ZNF283: variants seen among roughly 807,000 people sequenced by gnomAD.
ZNF283 encodes the protein zinc finger protein 283.
A neutral mutation model predicts 9.2 loss-of-function variants in ZNF283; 10 were observed. The observed-to-expected ratio is 1.09, with a 90% confidence interval of 0.67 to 1.85. ZNF283 has a LOEUF of 1.85. Ranked by LOEUF, ZNF283 falls within the 40% of genes most tolerant of loss-of-function variation. The probability of loss-of-function intolerance (pLI) is 0.00; values close to 1 mark genes in which losing one functional copy is unlikely to be tolerated. For synonymous variants in ZNF283, 234 were observed against 244.1 expected, an observed-to-expected ratio of 0.96 and a Z score of 0.38; for missense variants, 631 against 760.1, an observed-to-expected ratio of 0.83 and a Z score of 2.00.
rs1971485293 is a variant in ZNF283 at position 43,848,043 on chromosome 19, A to G, written c.1442A>G (p.His481Arg). The G allele has an allele frequency of 1.2e-6, 2 of 1,613,602 alleles. No individual in the cohort carries two copies. The highest frequency in any genetic ancestry group is 1.7e-6 in the Non-Finnish European group (2 of 1,179,870). ...AGCCTTGTTAAACATGAGAGAGTTCATACTGGTGAGAAATCCCATGAATGT... is the reference window on the plus strand; with the variant it reads ...AGCCTTGTTAAACATGAGAGAGTTCGTACTGGTGAGAAATCCCATGAATGT... ...GSSLVKHERV[H>R]TGEKSHECKE... Residue 481 changes from histidine to arginine, a missense_variant, in exon 7 of 7, where the codon CAT becomes CGT. By Grantham distance (29) the His-to-Arg change is conservative. Coordinates refer to ENST00000618787, the MANE Select transcript of ZNF283 (RefSeq NM_181845.2).
chr19:43,838,294 C>T (rs1971062152), intron 6 of ZNF283, among the ~76,000 whole-genome samples: 1 of 152,092 alleles, frequency 6.6e-6, no homozygotes, highest in South Asian at 2.1e-4. Flanking sequence ...TTTTCCCTTC[C>T]ACAACTATTT....
At position 43,848,564 on chromosome 19, in the gene ZNF283, A is replaced by C. The variant is rs554030657; in HGVS notation, c.1963A>C (p.Lys655Gln). ...ERTHSNDKPY[K>Q]YNECGEAFLW... ...AACTCATAGTAATGATAAACCCTAC[A>C]AATATAACGAATGTGGGGAAGCCTT... Residue 655 changes from lysine to glutamine, a missense_variant, in exon 7 of 7, where the codon AAA becomes CAA. Physicochemically the swap from Lys to Gln is moderately conservative, Grantham distance 53. Transcript: ENST00000618787. 4.4e-5 allele frequency: 71 copies of C among 1,598,908 alleles called. No homozygotes were observed. The highest frequency in any genetic ancestry group is 5.6e-5 in the Non-Finnish European group (65 of 1,169,542).
chr19:43,834,664 C>A (rs1354186308), intron 4 of ZNF283, among the ~76,000 whole-genome samples: 1 of 152,034 alleles, frequency 6.6e-6, no homozygotes, highest in East Asian at 1.9e-4. Flanking sequence ...AGCGCGATCT[C>A]GGCTCACTGC....
At chr19:43,843,085 G>A (rs968479185) in intron 6 of ZNF283, among the ~76,000 whole-genome samples, 22 of 152,180 alleles carry the variant, frequency 1.4e-4, no homozygotes, top group African/African-American at 4.1e-4. Context: ...GCTGATGCCC[G>A]TAATCCCAGC....
intron 6 of ZNF283, among the ~76,000 whole-genome samples, chr19:43,842,156 G>A (rs549062180): frequency 1.2e-4 from 19 of 152,078 alleles, no homozygotes; most frequent in African/African-American, 4.3e-4. Context: ...AGTCACGGAG[G>A]TGCAACCCCC....
At chr19:43,840,890 G>A (rs1272116003) in intron 6 of ZNF283, 1 of 151,460 alleles carries the variant, frequency 6.6e-6, no homozygotes, top group Non-Finnish European at 1.5e-5. Context: ...TTTTAGTAGA[G>A]ATGAGGTTTC....
chr19:43,829,700 G>A (rs980484504), intron 2 of ZNF283, among the ~76,000 whole-genome samples: 1 of 152,138 alleles, frequency 6.6e-6, no homozygotes. Context: ...GAAGTATGAA[G>A]TTGATTGTGA....
chr19:43,829,506 A>G (rs890777323), intron 2 of ZNF283, among the ~76,000 whole-genome samples: 2 of 152,232 alleles, frequency 1.3e-5, no homozygotes, highest in African/African-American at 4.8e-5. Flanking sequence ...TCTGTGCCAC[A>G]TCTATAAAAT....
chr19:43,847,340 G>A lies in ZNF283; in HGVS notation c.739G>A (p.Ala247Thr). The change falls in exon 7 of 7, where the codon GCC (alanine) becomes ACC (threonine). Residue 247 changes from alanine (A) to threonine (T), a missense_variant. Ala to Thr is a moderately conservative substitution (Grantham distance 58). Transcript: ENST00000618787. ...AGAATGTGGGAAGAATTATTTAAGT[G>A]CCTATCAACTCAATGTGCATCAGAG... ...CKECGKNYLS[A>T]YQLNVHQRFH... The A allele has an allele frequency of 6.2e-7, 1 of 1,613,942 alleles. No individual in the cohort carries two copies. Among genetic ancestry groups the A allele is most frequent in the South Asian group, 1.1e-5 (1 of 91,070 alleles).
Position 43,831,354 on chromosome 19 carries a change from A to G in ZNF283, c.-28A>G. 1 of 1,596,292 alleles carries G rather than the reference A, an allele frequency of 6.3e-7. No individual in the cohort carries two copies. Among genetic ancestry groups the G allele is most frequent in the Non-Finnish European group, 8.5e-7 (1 of 1,178,900 alleles). On this transcript the variant is annotated 5_prime_UTR_variant, in exon 3 of 7. Transcript: ENST00000618787. ...CAGTGAATGTGTCTCATTACATTGA[A>G]TAACAGCTACAGGATGTTCGAGAGC...
intron 4 of ZNF283, among the ~76,000 whole-genome samples, chr19:43,835,286 G>A (rs1349501939): frequency 6.6e-6 from 1 of 152,186 alleles, no homozygotes; most frequent in Non-Finnish European, 1.5e-5. Flanking sequence ...GGACTGAATT[G>A]TCGAATCCCA....
At chr19:43,844,476 C>T (rs1473030361) in intron 6 of ZNF283, among the ~76,000 whole-genome samples, 2 of 152,140 alleles carry the variant, frequency 1.3e-5, no homozygotes, top group African/African-American at 2.4e-5. Context: ...AATTGGTCAC[C>T]TCCATATTCA....
In ZNF283 at chr19:43,831,756, T is replaced by C. The variant is rs146748740; in HGVS notation, c.-1+375T>C. Among the ~76,000 whole-genome samples, 375 of 152,228 alleles carry C rather than the reference T, an allele frequency of 2.5e-3. 2 individuals are homozygous for C. The highest frequency in any genetic ancestry group is 8.4e-3 in the African/African-American group (349 of 41,554). On this transcript the variant is annotated intron_variant, in intron 3 of 6. Transcript: ENST00000618787. ...CGATCCTCCCACCTCAGAGGGAAGG[T>C]AGCTGGGACCACAGGTGTGTGCCAC...
At position 43,849,765 on chromosome 19, in the gene ZNF283, A is replaced by G. The variant is rs1383453762; in HGVS notation, c.*1124A>G. 2.0e-5 allele frequency: 3 copies of G among 152,242 alleles called. No homozygotes were observed. The highest frequency in any genetic ancestry group is 7.2e-5 in the African/African-American group (3 of 41,458). The allele number at this position is 152,242 out of a possible 1,614,324, so 9.4% of individuals were successfully genotyped here. On this transcript the variant is annotated 3_prime_UTR_variant, in exon 7 of 7. Transcript: ENST00000618787. ...ACATGATGTTTCAAATGCTGATGGTAACTAATAATGCTGTTACAGAGATTA... is the reference window on the plus strand; with the variant it reads ...ACATGATGTTTCAAATGCTGATGGTGACTAATAATGCTGTTACAGAGATTA...
At chr19:43,835,268 C>T (rs1970918911) in intron 4 of ZNF283, among the ~76,000 whole-genome samples, 1 of 152,106 alleles carries the variant, frequency 6.6e-6, no homozygotes, top group Non-Finnish European at 1.5e-5. Context: ...GATCTGATTT[C>T]CTGGGCAGGA....
At chr19:43,844,414 T>G (rs1971328713) in intron 6 of ZNF283, among the ~76,000 whole-genome samples, 1 of 152,204 alleles carries the variant, frequency 6.6e-6, no homozygotes, top group African/African-American at 2.4e-5. Context: ...AAATTAAAAT[T>G]CGCTAAACTA....
Position 43,847,013 on chromosome 19 carries a change from T to C in ZNF283, c.412T>C (p.Trp138Arg). The change falls in exon 7 of 7, where the codon TGG becomes CGG. Residue 138 changes from tryptophan (W) to arginine (R), a missense_variant. By Grantham distance (101) the Trp-to-Arg change is moderately radical (BLOSUM62 -3). Transcript: ENST00000618787. ...TATTTTTGAAATAAATTTTTCCCAGTGGGAGATGAAGGACAAAAGTAAAAC... is the reference window on the plus strand; with the variant it reads ...TATTTTTGAAATAAATTTTTCCCAGCGGGAGATGAAGGACAAAAGTAAAAC... ...NDIFEINFSQ[W>R]EMKDKSKTLG... The C allele has an allele frequency of 6.3e-7, 1 of 1,576,456 alleles. No homozygotes were observed. Among genetic ancestry groups the C allele is most frequent in the South Asian group, 1.1e-5 (1 of 87,292 alleles).
intron 6 of ZNF283, among the ~76,000 whole-genome samples, chr19:43,842,917 C>G (rs1599726749): frequency 6.6e-6 from 1 of 151,414 alleles, no homozygotes; most frequent in South Asian, 2.1e-4. Flanking sequence ...TTTATTAAAT[C>G]TCAACCCTTG....
In ZNF283 at chr19:43,833,539, A is replaced by C. The variant is rs1970818430; in HGVS notation, c.35A>C (p.Gln12Pro). Residue 12 changes from glutamine to proline, a missense_variant, in exon 4 of 7, where the codon CAG becomes CCG. Gln to Pro is a moderately conservative substitution (Grantham distance 76). Coordinates refer to ENST00000618787, the MANE Select transcript of ZNF283 (RefSeq NM_181845.2). Reference sequence around the variant, plus strand: ...CGCTCTGTCGCCCAGGCTGGAGTGCAGTGGTGCGATCTTGGCTCACTGCAA... The same window carrying C: ...CGCTCTGTCGCCCAGGCTGGAGTGCCGTGGTGCGATCTTGGCTCACTGCAA... ...ESRSVAQAGV[Q>P]WCDLGSLQAP... is the part of the protein sequence containing the mutation. 1 of 175,440 alleles carries C rather than the reference A, an allele frequency of 5.7e-6. No homozygotes were observed. The highest frequency in any genetic ancestry group is 8.3e-5 in the Admixed American group (1 of 12,080). The allele number at this position is 175,440 out of a possible 1,614,324, so 10.9% of individuals were successfully genotyped here. A position where few individuals can be genotyped will look rare whatever the true frequency, so the allele number is the denominator to read the frequency against.
Sources: gnomAD v4.1 joint callset for allele counts (sites outside exome capture counted in the v4.1 genomes callset) on GRCh38, gnomAD v4.1.1 for gene constraint, MANE v1.5 for transcripts, NCBI Gene and HGNC (gene_info 2026-07-23, HGNC 2026-07-21) for gene names.